Variants in XIRP2 observed in about 807,000 individuals in gnomAD.
XIRP2 encodes the protein xin actin-binding repeat-containing protein 2.
Under a neutral mutation model 277.0 loss-of-function variants are expected in XIRP2, and 236 were observed. That is an observed-to-expected ratio of 0.85 (90% CI 0.77 to 0.95). The LOEUF (loss-of-function observed/expected upper bound fraction) is 0.95. Among genes scored for constraint, XIRP2 ranks in the 40% least tolerant of loss-of-function variants. The probability of loss-of-function intolerance (pLI) is 0.00; values close to 1 mark genes in which losing one functional copy is unlikely to be tolerated. For missense variants in XIRP2, 4,640 were observed against 4,157.5 expected (o/e 1.12, Z -3.19); for synonymous variants, 1,490 against 1,416.5 (o/e 1.05, Z -1.17).
intron 2 of XIRP2, among the ~76,000 whole-genome samples, chr2:166,994,422 A>G (rs1449876954): frequency 1.5e-5 from 2 of 134,622 alleles, no homozygotes; most frequent in African/African-American, 5.8e-5. Context: ...GCACATGTAT[A>G]CATATGTAAC....
intron 2 of XIRP2, among the ~76,000 whole-genome samples, chr2:167,089,657 GTTAC>G (rs1427798221): frequency 2.0e-5 from 3 of 152,170 alleles, no homozygotes; most frequent in East Asian, 3.9e-4. Flanking sequence ...GTGCATGTGT[GTTAC>G]TTAAGTAAAC....
chr2:167,146,487 C>A (rs968540584), intron 3 of XIRP2, among the ~76,000 whole-genome samples: 1 of 145,140 alleles, frequency 6.9e-6, no homozygotes, highest in Admixed American at 6.9e-5. Context: ...AGCAACAGAA[C>A]AAGACTCTGT....
intron 3 of XIRP2, among the ~76,000 whole-genome samples, chr2:167,174,729 A>G (rs946808631): frequency 6.6e-6 from 1 of 151,918 alleles, no homozygotes; most frequent in Non-Finnish European, 1.5e-5. Context: ...TTAGTGCTAT[A>G]AACTTCCCTC....
intron 2 of XIRP2, among the ~76,000 whole-genome samples, chr2:167,055,138 T>A (rs773750894): frequency 1.3e-5 from 2 of 152,230 alleles, no homozygotes; most frequent in Non-Finnish European, 2.9e-5. Context: ...TGTATGCTCA[T>A]GTCTCTTTTT....
chr2:167,258,498 A>G lies in XIRP2; in HGVS notation c.*681A>G, dbSNP rs1406772477. 4 of 1,613,194 alleles carry G rather than the reference A, an allele frequency of 2.5e-6. No homozygotes were observed. Among genetic ancestry groups the G allele is most frequent in the Middle Eastern group, 1.6e-4 (1 of 6,080 alleles). On this transcript the variant is annotated 3_prime_UTR_variant, in exon 11 of 11. Coordinates refer to ENST00000409195, the MANE Select transcript of XIRP2 (RefSeq NM_152381.6). ...AGTGAAGCTGAAGACACAAAGAGTA[A>G]CAGGAAAAGTGCTATGGATCTTAAT... is the stretch of plus-strand genomic sequence containing the variant.
intron 2 of XIRP2, among the ~76,000 whole-genome samples, chr2:167,061,626 G>A (rs1689176620): frequency 6.6e-6 from 1 of 151,982 alleles, no homozygotes. Context: ...CAAAGATGAA[G>A]TCATACTGGA....
intron 2 of XIRP2, among the ~76,000 whole-genome samples, chr2:167,048,553 C>G (rs1229413947): frequency 6.6e-6 from 1 of 151,630 alleles, no homozygotes; most frequent in Non-Finnish European, 1.5e-5. Flanking sequence ...GTTGGACATT[C>G]TATTAGAGAA....
At chr2:166,908,159 G>T (rs1194122703) in intron 2 of XIRP2, among the ~76,000 whole-genome samples, 1 of 152,022 alleles carries the variant, frequency 6.6e-6, no homozygotes, top group Non-Finnish European at 1.5e-5. Context: ...TAAATGGTAT[G>T]TCTACTTCTA....
At chr2:167,177,629 A>G (rs1692884064) in intron 3 of XIRP2, among the ~76,000 whole-genome samples, 1 of 152,202 alleles carries the variant, frequency 6.6e-6, no homozygotes, top group African/African-American at 2.4e-5. Context: ...TTAAATATTC[A>G]TGTGTTGCTT....
intron 3 of XIRP2, among the ~76,000 whole-genome samples, chr2:167,170,981 C>A (rs1347788257): frequency 6.7e-6 from 1 of 150,342 alleles, no homozygotes; most frequent in Non-Finnish European, 1.5e-5. Context: ...CTCACTGCAC[C>A]CTCCGCCTCC....
At chr2:167,083,273 T>A (rs1273808743) in intron 2 of XIRP2, among the ~76,000 whole-genome samples, 2 of 152,178 alleles carry the variant, frequency 1.3e-5, no homozygotes, top group East Asian at 3.9e-4. Flanking sequence ...GCATTATTTC[T>A]GAGGGCTCTG....
At chr2:167,188,131 C>G (rs1693218820) in intron 3 of XIRP2, among the ~76,000 whole-genome samples, 1 of 152,168 alleles carries the variant, frequency 6.6e-6, no homozygotes, top group Non-Finnish European at 1.5e-5. Flanking sequence ...TTGGATCTGC[C>G]AGTCCTAATT....
intron 3 of XIRP2, among the ~76,000 whole-genome samples, chr2:167,191,876 G>A (rs542522122): frequency 6.6e-6 from 1 of 152,156 alleles, no homozygotes; most frequent in African/African-American, 2.4e-5. Flanking sequence ...AATTGCTCCC[G>A]GCATACGTAT....
At chr2:166,957,458 T>C (rs1040462136) in intron 2 of XIRP2, among the ~76,000 whole-genome samples, 3 of 151,838 alleles carry the variant, frequency 2.0e-5, no homozygotes, top group African/African-American at 7.2e-5. Context: ...AAAAATTATT[T>C]ACATTTGTGA....
At chr2:166,958,638 C>T (rs1266774758) in intron 2 of XIRP2, among the ~76,000 whole-genome samples, 3 of 151,716 alleles carry the variant, frequency 2.0e-5, no homozygotes, top group African/African-American at 7.3e-5. Context: ...GGATAATACA[C>T]AGAAAATTCT....
chr2:167,243,266 C>T lies in XIRP2; in HGVS notation c.1874C>T (p.Pro625Leu). 1 of 1,613,644 alleles carries T rather than the reference C, an allele frequency of 6.2e-7. No homozygotes were observed. Among genetic ancestry groups the T allele is most frequent in the Non-Finnish European group, 8.5e-7 (1 of 1,179,798 alleles). ...KYTTWMFETQ[P>L]IDTLGAYSSD... Reference sequence around the variant, plus strand: ...ACCACATGGATGTTTGAAACCCAACCCATCGACACACTTGGGGCTTATTCT... The same window carrying T: ...ACCACATGGATGTTTGAAACCCAACTCATCGACACACTTGGGGCTTATTCT... The change falls in exon 9 of 11, where the codon CCC (proline) becomes CTC (leucine). Residue 625 changes from proline (P) to leucine (L), a missense_variant. Pro to Leu is a moderately conservative substitution (Grantham distance 98). Transcript: ENST00000409195.
intron 3 of XIRP2, among the ~76,000 whole-genome samples, chr2:167,177,712 A>T (rs532230401): frequency 3.2e-4 from 49 of 152,314 alleles, no homozygotes; most frequent in African/African-American, 1.2e-3. Context: ...CAGATATGCA[A>T]ATATCCAACT....
chr2:167,138,926 G>A (rs1282994058), intron 3 of XIRP2, among the ~76,000 whole-genome samples: 2 of 152,022 alleles, frequency 1.3e-5, no homozygotes, highest in African/African-American at 4.8e-5. Context: ...AATTAGCTGG[G>A]CATGATAGTG....
intron 3 of XIRP2, among the ~76,000 whole-genome samples, chr2:167,207,513 T>C (rs115892942): frequency 0.031 from 4,708 of 152,332 alleles, 86 homozygotes; most frequent in Non-Finnish European, 0.046. Context: ...TTCTGCCTTA[T>C]AAATATTGTA....
Sources: allele counts gnomAD v4.1 joint callset (sites outside exome capture counted in the v4.1 genomes callset), GRCh38; gene constraint gnomAD v4.1.1; transcripts MANE v1.5; gene names NCBI Gene and HGNC (gene_info 2026-07-23, HGNC 2026-07-21).